The following ASCC3 variants were observed in gnomAD, a reference collection of about 807,000 sequenced individuals.
ASCC3 encodes the protein ASC-1 complex subunit P200.
ASCC3 carries 158 observed loss-of-function variants against 256.3 expected under a neutral mutation model. That is an observed-to-expected ratio of 0.62 (90% CI 0.54 to 0.70). The LOEUF (loss-of-function observed/expected upper bound fraction) is 0.70. Ranked by LOEUF, ASCC3 falls within the 30% of genes least tolerant of loss-of-function variation. The pLI is 0.00. For missense variants in ASCC3, 2,259 were observed against 2,626.0 expected (o/e 0.86, Z 3.05); for synonymous variants, 948 against 883.4 (o/e 1.07, Z -1.30).
intron 8 of ASCC3, among the ~76,000 whole-genome samples, chr6:100,794,295 C>T (rs1279344232): frequency 6.6e-6 from 1 of 152,028 alleles, no homozygotes; most frequent in African/African-American, 2.4e-5. Context: ...AGGCAATTGT[C>T]TTTTTCCAGT....
At chr6:100,575,039 C>A in intron 36 of ASCC3, among the ~76,000 whole-genome samples, 1 of 152,006 alleles carries the variant, frequency 6.6e-6, no homozygotes, top group East Asian at 1.9e-4. Context: ...GCTCTTCTCG[C>A]AAACCCTGGA....
chr6:100,513,399 T>C (rs1445806913), intron 39 of ASCC3, among the ~76,000 whole-genome samples: 2 of 152,224 alleles, frequency 1.3e-5, no homozygotes, highest in Non-Finnish European at 2.9e-5. Flanking sequence ...TGGTTTGTTT[T>C]AGAGAAGCAT....
In ASCC3 at chr6:100,586,259, T is replaced by C. The variant is rs186884843; in HGVS notation, c.5550+3375A>G. On this transcript the variant is annotated intron_variant, in intron 36 of 41. Coordinates refer to ENST00000369162, the MANE Select transcript of ASCC3 (RefSeq NM_006828.4). The stretch of plus-strand genomic sequence containing the variant: ...ACCCAGTTCGAGCTTCCCAGCAGCT[T>C]TGTTTACCTAAGCAAGCCTGGGCAA... Among the ~76,000 whole-genome samples the C allele has an allele frequency of 1.7e-3, 253 of 152,278 alleles. 1 individual carries two copies. The highest frequency in any genetic ancestry group is 5.9e-3 in the African/African-American group (245 of 41,560).
chr6:100,598,157 T>C (rs964342239), intron 34 of ASCC3, among the ~76,000 whole-genome samples: 1 of 151,922 alleles, frequency 6.6e-6, no homozygotes, highest in African/African-American at 2.4e-5. Context: ...GAACCTCTTA[T>C]GTAGACGGTG....
chr6:100,657,590 T>C (rs1429334810), intron 16 of ASCC3, among the ~76,000 whole-genome samples: 1 of 151,404 alleles, frequency 6.6e-6, no homozygotes, highest in African/African-American at 2.4e-5. Context: ...CCTTAGAATA[T>C]TATTTTAAAG....
At chr6:100,720,331 CAGAA>C (rs1779268121) in intron 11 of ASCC3, among the ~76,000 whole-genome samples, 1 of 151,740 alleles carries the variant, frequency 6.6e-6, no homozygotes. Context: ...AAAGAAAACA[CAGAA>C]AAGGTGTAAT....
At chr6:100,743,202 C>T (rs1430041237) in intron 10 of ASCC3, among the ~76,000 whole-genome samples, 1 of 152,158 alleles carries the variant, frequency 6.6e-6, no homozygotes, top group African/African-American at 2.4e-5. Flanking sequence ...TGGCTCTGTG[C>T]CACTCTTGGG....
chr6:100,523,100 T>C (rs1263307008), intron 37 of ASCC3, among the ~76,000 whole-genome samples: 1 of 151,200 alleles, frequency 6.6e-6, no homozygotes, highest in East Asian at 2.0e-4. Flanking sequence ...GATTCACGAA[T>C]ACATGATACT....
rs879488962 is a variant in ASCC3 at position 100,881,296 on chromosome 6, A to AC, written c.-278_-277insG. The AC allele has an allele frequency of 0.013, 1,954 of 152,362 alleles. 101 individuals carry two copies. The East Asian group carries it at 0.15, about 11-fold the overall frequency. The allele number at this position is 152,362 out of a possible 1,614,324, so 9.4% of individuals were successfully genotyped here. On this transcript the variant is annotated 5_prime_UTR_variant, in exon 1 of 42. Coordinates refer to ENST00000369162, the MANE Select transcript of ASCC3 (RefSeq NM_006828.4). ...GACCATCAGTCAGACAGACAGACGC[A>AC]AAGACGCACAGACCCGGCGAGGAGG...
At chr6:100,748,552 T>C (rs567395155) in intron 10 of ASCC3, among the ~76,000 whole-genome samples, 2 of 152,168 alleles carry the variant, frequency 1.3e-5, no homozygotes, top group African/African-American at 4.8e-5. Context: ...ATATTATTCT[T>C]TCAGACTGTT....
intron 11 of ASCC3, among the ~76,000 whole-genome samples, chr6:100,724,496 A>G (rs757552559): frequency 6.6e-6 from 1 of 151,894 alleles, no homozygotes; most frequent in Non-Finnish European, 1.5e-5. Flanking sequence ...CTTTTAAGTC[A>G]AAAAGACAGT....
At chr6:100,521,955 C>T (rs912600962) in intron 37 of ASCC3, among the ~76,000 whole-genome samples, 13 of 152,156 alleles carry the variant, frequency 8.5e-5, no homozygotes, top group African/African-American at 3.1e-4. Context: ...GCTTTGGTAA[C>T]AACTGGAGAG....
chr6:100,738,118 G>C (rs1780266440), intron 10 of ASCC3, among the ~76,000 whole-genome samples: 1 of 152,100 alleles, frequency 6.6e-6, no homozygotes, highest in Non-Finnish European at 1.5e-5. Context: ...CTGAATATAA[G>C]ACCTTTGTCA....
chr6:100,509,521 T>C lies in ASCC3; in HGVS notation c.6474A>G (p.Thr2158=). The C allele has an allele frequency of 6.2e-7, 1 of 1,612,386 alleles. No homozygotes were observed. Among genetic ancestry groups the C allele is most frequent in the Non-Finnish European group, 8.5e-7 (1 of 1,178,436 alleles). The change falls in exon 42 of 42, where the codon ACA becomes ACG. Residue 2158 remains threonine (T), a synonymous_variant. Coordinates refer to ENST00000369162, the MANE Select transcript of ASCC3 (RefSeq NM_006828.4). ...GGTAGCAGTCACTCATGAAATATAATGTGTAGATATACCTAAAATATAAAA... is the reference window on the plus strand; with the variant it reads ...GGTAGCAGTCACTCATGAAATATAACGTGTAGATATACCTAAAATATAAAA... The part of the protein sequence containing the change: ...TPEIPGRYIY[T]LYFMSDCYLG...
chr6:100,800,500 A>G lies in ASCC3; in HGVS notation c.927T>C (p.Asn309=). 1.2e-6 allele frequency: 2 copies of G among 1,601,848 alleles called. No homozygotes were observed. The highest frequency in any genetic ancestry group is 1.7e-6 in the Non-Finnish European group (2 of 1,171,810). The change falls in exon 6 of 42, where the codon AAT becomes AAC. Residue 309 remains asparagine (N), a synonymous_variant. Coordinates refer to ENST00000369162, the MANE Select transcript of ASCC3 (RefSeq NM_006828.4). ...NDHRFQALQD[N]CKKILGENAK... is the part of the protein sequence containing the mutation. Reference sequence around the variant, plus strand: ...CATTTTCTCCTAAAATTTTTTTACAATTGTCTAAGAAGCAAATTTAAGAAA... The same window carrying G: ...CATTTTCTCCTAAAATTTTTTTACAGTTGTCTAAGAAGCAAATTTAAGAAA...
In ASCC3 at chr6:100,844,057, A is replaced by G. The variant is rs961489079; in HGVS notation, c.801+4091T>C. ...GAGCTTAGTAATTTGCCCATAGTCG[A>G]TAAGACATTAGCAAACAGAGACAAA... On this transcript the variant is annotated intron_variant, in intron 4 of 41. Coordinates refer to ENST00000369162, the MANE Select transcript of ASCC3 (RefSeq NM_006828.4). 2.6e-5 allele frequency among the ~76,000 whole-genome samples: 4 copies of G among 151,176 alleles called. No individual in the cohort carries two copies. The South Asian group carries it at 6.3e-4, about 24-fold the overall frequency.
chr6:100,586,382 C>T (rs1046295249), intron 36 of ASCC3, among the ~76,000 whole-genome samples: 35 of 152,168 alleles, frequency 2.3e-4, no homozygotes, highest in Admixed American at 1.2e-3. Context: ...TAGGACCCTC[C>T]GAGCCAGGTG....
At chr6:100,837,319 C>T (rs1011946570) in intron 4 of ASCC3, among the ~76,000 whole-genome samples, 1 of 152,036 alleles carries the variant, frequency 6.6e-6, no homozygotes, top group Non-Finnish European at 1.5e-5. Flanking sequence ...TTATGAAAAA[C>T]AGTATGAAGG....
intron 5 of ASCC3, among the ~76,000 whole-genome samples, chr6:100,801,657 A>G (rs1769923187): frequency 6.6e-6 from 1 of 151,990 alleles, no homozygotes; most frequent in South Asian, 2.1e-4. Context: ...AATCCCATCT[A>G]TATTAGGACT....
Sources: allele counts gnomAD v4.1 joint callset (sites outside exome capture counted in the v4.1 genomes callset), GRCh38; gene constraint gnomAD v4.1.1; transcripts MANE v1.5; gene names NCBI Gene and HGNC (gene_info 2026-07-23, HGNC 2026-07-21).